FER: variants seen among roughly 807,000 people sequenced by gnomAD.
FER encodes the protein FER tyrosine kinase.
A neutral mutation model predicts 111.0 loss-of-function variants in FER; 63 were observed. The ratio of observed to expected loss-of-function variants is 0.57; its 90% CI spans 0.46 to 0.70. The LOEUF (loss-of-function observed/expected upper bound fraction) is 0.70, where lower values mean the gene tolerates loss of function less well. Ranked by LOEUF, FER falls within the 30% of genes least tolerant of loss-of-function variation. The probability of loss-of-function intolerance (pLI) is 0.00; values close to 1 mark genes in which losing one functional copy is unlikely to be tolerated. For missense variants in FER, 914 were observed against 954.0 expected, an observed-to-expected ratio of 0.96 and a Z score of 0.55; for synonymous variants, 327 against 313.9, an observed-to-expected ratio of 1.04 and a Z score of -0.44.
intron 5 of FER, among the ~76,000 whole-genome samples, chr5:108,861,234 C>G (rs1763485225): frequency 6.6e-6 from 1 of 152,052 alleles, no homozygotes; most frequent in Non-Finnish European, 1.5e-5. Context: ...AGGTTTCTAC[C>G]ATAATTCGCA....
At chr5:109,133,779 G>A (rs1399510175) in intron 17 of FER, among the ~76,000 whole-genome samples, 2 of 152,036 alleles carry the variant, frequency 1.3e-5, no homozygotes, top group African/African-American at 4.8e-5. Context: ...TCTCTTTAGT[G>A]TCTGCCATTT....
At chr5:108,909,846 A>G (rs1751301355) in intron 10 of FER, among the ~76,000 whole-genome samples, 1 of 151,022 alleles carries the variant, frequency 6.6e-6, no homozygotes, top group Admixed American at 6.6e-5. Flanking sequence ...AAAACTTTTT[A>G]TGTTGGATAA....
intron 13 of FER, among the ~76,000 whole-genome samples, chr5:109,022,818 GC>G (rs1768111314): frequency 6.6e-6 from 1 of 152,044 alleles, no homozygotes; most frequent in African/African-American, 2.4e-5. Flanking sequence ...ATAACCAGAT[GC>G]TTCATCTGCA....
intron 16 of FER, among the ~76,000 whole-genome samples, chr5:109,062,103 T>C (rs1401351143): frequency 6.6e-6 from 1 of 151,950 alleles, no homozygotes; most frequent in Non-Finnish European, 1.5e-5. Flanking sequence ...TAAATGGCAA[T>C]GGGTAATATG....
chr5:109,037,136 G>T (rs1770514718), intron 13 of FER, among the ~76,000 whole-genome samples: 1 of 151,988 alleles, frequency 6.6e-6, no homozygotes, highest in Non-Finnish European at 1.5e-5. Flanking sequence ...TAAACTTTAT[G>T]GTTGGTGGAA....
chr5:108,773,817 G>C (rs1184037286), intron 2 of FER, among the ~76,000 whole-genome samples: 2 of 152,122 alleles, frequency 1.3e-5, no homozygotes, highest in Non-Finnish European at 2.9e-5. Context: ...CACCAACAGT[G>C]TAAATGCATT....
intron 13 of FER, among the ~76,000 whole-genome samples, chr5:108,975,387 T>C (rs1027525839): frequency 2.0e-5 from 3 of 152,170 alleles, no homozygotes; most frequent in Non-Finnish European, 4.4e-5. Flanking sequence ...ATGCATGTTC[T>C]GTACATGTAT....
intron 10 of FER, among the ~76,000 whole-genome samples, chr5:108,903,788 T>C (rs1430493039): frequency 6.6e-6 from 1 of 152,220 alleles, no homozygotes; most frequent in African/African-American, 2.4e-5. Context: ...AAGATTATTT[T>C]ACATATTTCT....
chr5:109,118,174 C>G (rs1443242179), intron 17 of FER, among the ~76,000 whole-genome samples: 1 of 151,998 alleles, frequency 6.6e-6, no homozygotes, highest in African/African-American at 2.4e-5. Context: ...TTTTGAGATA[C>G]GTCCCATCAA....
intron 8 of FER, among the ~76,000 whole-genome samples, chr5:108,872,653 T>C (rs183732915): frequency 2.0e-5 from 3 of 152,256 alleles, no homozygotes; most frequent in African/African-American, 7.2e-5. Context: ...ATGTCTTCTG[T>C]TATAGGCTGT....
intron 16 of FER, among the ~76,000 whole-genome samples, chr5:109,098,328 A>G (rs950320391): frequency 2.2e-4 from 33 of 151,820 alleles, no homozygotes; most frequent in Non-Finnish European, 3.0e-5. Context: ...ACAAAGTATT[A>G]TATCAAGAAG....
At chr5:108,754,526 C>T (rs1286831935) in intron 1 of FER, among the ~76,000 whole-genome samples, 1 of 151,824 alleles carries the variant, frequency 6.6e-6, no homozygotes, top group Non-Finnish European at 1.5e-5. Context: ...AAGTGAATGC[C>T]CCTTTAGTTT....
intron 10 of FER, among the ~76,000 whole-genome samples, chr5:108,919,447 C>A (rs1441030455): frequency 1.3e-5 from 2 of 152,040 alleles, no homozygotes; most frequent in East Asian, 1.9e-4. Flanking sequence ...TTTAAATTTT[C>A]CAAAAGATTC....
intron 18 of FER, among the ~76,000 whole-genome samples, chr5:109,185,789 A>G (rs1301560414): frequency 6.6e-6 from 1 of 152,214 alleles, no homozygotes; most frequent in African/African-American, 2.4e-5. Context: ...AAATACAGTC[A>G]TGTATCGCTT....
chr5:108,867,711 A>G, intron 5 of FER, 56 bp from the exon 6 acceptor site: 1 of 1,504,414 alleles, frequency 6.6e-7, no homozygotes, highest in African/African-American at 1.4e-5. Context: ...TGTAGTGAAG[A>G]TACAATTTTT....
chr5:109,032,184 G>T (rs1356918635), intron 13 of FER, among the ~76,000 whole-genome samples: 4 of 152,174 alleles, frequency 2.6e-5, no homozygotes, highest in African/African-American at 9.7e-5. Context: ...GGCAGACTGA[G>T]AGAAAGTTTG....
chr5:108,957,617 A>G (rs1045056976), intron 12 of FER, among the ~76,000 whole-genome samples: 1 of 151,656 alleles, frequency 6.6e-6, no homozygotes, highest in Admixed American at 6.6e-5. Context: ...ATCCAAAGGA[A>G]AATAAATCAG....
intron 8 of FER, among the ~76,000 whole-genome samples, chr5:108,882,183 G>T (rs1765749589): frequency 6.6e-6 from 1 of 151,808 alleles, no homozygotes; most frequent in South Asian, 2.1e-4. Context: ...CACATTTTTA[G>T]ATGGTCAGAT....
Position 108,971,272 on chromosome 5 carries a change from C to CAAAA in FER, c.1656+11946_1656+11949dup, listed in dbSNP as rs201694196. ...GATGGAGGATCACTTGAACCTGTCT[C>CAAAA]AAAAAAAAAAAAAAAAAAAAAAAAC... On this transcript the variant is annotated intron_variant, in intron 13 of 19. Transcript: ENST00000281092. Among the ~76,000 whole-genome samples, 686 of 76,272 alleles carry CAAAA rather than the reference C, an allele frequency of 9.0e-3. 7 individuals are homozygous for CAAAA. The highest frequency in any genetic ancestry group is 0.016 in the Non-Finnish European group (580 of 35,676). 50.0% of individuals were successfully genotyped at this position (76,272 alleles called of 152,430 possible).
Sources: gnomAD v4.1 joint callset for allele counts (sites outside exome capture counted in the v4.1 genomes callset) on GRCh38, gnomAD v4.1.1 for gene constraint, MANE v1.5 for transcripts, NCBI Gene and HGNC (gene_info 2026-07-23, HGNC 2026-07-21) for gene names.